Variants in NRAP observed in about 807,000 individuals in gnomAD.
NRAP encodes the protein nebulin related anchoring protein, also known as nebulin-related-anchoring protein.
A neutral mutation model predicts 225.9 loss-of-function variants in NRAP; 189 were observed. That is an observed-to-expected ratio of 0.84 (90% confidence interval 0.74 to 0.94). NRAP has a LOEUF of 0.94. NRAP is among the 40% of genes least tolerant of loss of function. The pLI, the probability that NRAP is intolerant of heterozygous loss-of-function variation, is 0.00. For missense variants in NRAP, 2,176 were observed against 2,168.7 expected, an observed-to-expected ratio of 1.00 and a Z score of -0.07; for synonymous variants, 769 against 790.7, an observed-to-expected ratio of 0.97 and a Z score of 0.46.
At chr10:113,625,013 G>T in intron 21 of NRAP, 83 bp from the exon 22 acceptor site, 1 of 807,250 alleles carries the variant, frequency 1.2e-6, no homozygotes, top group Non-Finnish European at 2.2e-6. Flanking sequence ...TCTCTGTCTG[G>T]TTGGCACTTC....
chr10:113,658,606 C>T (rs989909534), intron 3 of NRAP, among the ~76,000 whole-genome samples: 1 of 152,050 alleles, frequency 6.6e-6, no homozygotes, highest in Non-Finnish European at 1.5e-5. Context: ...TTTGGCCGGG[C>T]GCAGTACCTC....
At chr10:113,644,218 A>C (rs1849373209) in intron 11 of NRAP, among the ~76,000 whole-genome samples, 1 of 149,814 alleles carries the variant, frequency 6.7e-6, no homozygotes, top group Non-Finnish European at 1.5e-5. Context: ...CTGCACTCCC[A>C]GTGGTATGGA....
chr10:113,616,114 A>G (rs1847648706), intron 26 of NRAP, among the ~76,000 whole-genome samples: 1 of 152,224 alleles, frequency 6.6e-6, no homozygotes. Flanking sequence ...CTTAACACCT[A>G]GTAATAATTT....
Position 113,606,278 on chromosome 10 carries a change from A to G in NRAP, c.3707T>C (p.Leu1236Pro), listed in dbSNP as rs751817563. 1.3e-6 allele frequency: 2 copies of G among 1,597,264 alleles called. No homozygotes were observed. Among genetic ancestry groups the G allele is most frequent in the Non-Finnish European group, 1.7e-6 (2 of 1,164,830 alleles). The change falls in exon 33 of 42, where the codon CTC becomes CCC. Residue 1236 changes from leucine to proline, a missense_variant. This residue lies in a region of NRAP where 1,708 missense variants were observed against 1,695.5 expected (regional missense o/e 1.01). Coordinates refer to ENST00000359988, the MANE Select transcript of NRAP (RefSeq NM_198060.4). ...TGCATCCTCTCCAGCTGCTTTATAGAGGCGCTAGGCCAAAAAAATATAATA... is the reference window on the plus strand; with the variant it reads ...TGCATCCTCTCCAGCTGCTTTATAGGGGCGCTAGGCCAAAAAAATATAATA... ...KFSNQITNER[L>P]YKAAGEDARH... is the part of the protein sequence containing the mutation.
At chr10:113,606,365 T>C in intron 32 of NRAP, 83 bp from the exon 33 acceptor site, 1 of 820,596 alleles carries the variant, frequency 1.2e-6, no homozygotes. Flanking sequence ...TCAACGATAG[T>C]TGAGGAAACA....
At position 113,663,876 on chromosome 10, in the gene NRAP, C is replaced by T. The variant is rs745780429; in HGVS notation, c.7G>A (p.Val3Met). 2.5e-6 allele frequency: 4 copies of T among 1,613,306 alleles called. No individual in the cohort carries two copies. Among genetic ancestry groups the T allele is most frequent in the Non-Finnish European group, 3.4e-6 (4 of 1,179,400 alleles). MNVQPCSRCGYGV... is the reference protein window; with the variant it reads MNMQPCSRCGYGV... ...TACCCACACCTAGAACAGGGCTGCACATTCATCTCGAAGCCGGAAGAGAGA... is the reference window on the plus strand; with the variant it reads ...TACCCACACCTAGAACAGGGCTGCATATTCATCTCGAAGCCGGAAGAGAGA... Residue 3 changes from valine to methionine, a missense_variant, in exon 1 of 42, where the codon GTG becomes ATG. Val to Met is a conservative substitution (Grantham distance 21, BLOSUM62 1). This residue lies in a region of NRAP where 1,708 missense variants were observed against 1,695.5 expected (regional missense o/e 1.01). Coordinates refer to ENST00000359988, the MANE Select transcript of NRAP (RefSeq NM_198060.4).
chr10:113,607,772 C>T (rs938700596), intron 32 of NRAP, among the ~76,000 whole-genome samples: 1 of 152,196 alleles, frequency 6.6e-6, no homozygotes, highest in Non-Finnish European at 1.5e-5. Context: ...CTCTGCCAAG[C>T]TCACCTATTT....
At chr10:113,643,099 T>A (rs1849302448) in intron 11 of NRAP, 61 bp from the exon 12 acceptor site, 1 of 822,748 alleles carries the variant, frequency 1.2e-6, no homozygotes, top group South Asian at 1.5e-5. Context: ...CTTGAAAATG[T>A]CCCAGGACTT....
intron 4 of NRAP, among the ~76,000 whole-genome samples, chr10:113,655,452 A>C (rs1592873991): frequency 6.9e-6 from 1 of 145,262 alleles, no homozygotes. Context: ...TTGTACATCC[A>C]TTTTTTTTTT....
intron 25 of NRAP, among the ~76,000 whole-genome samples, chr10:113,619,846 C>G (rs1592780135): frequency 2.0e-5 from 3 of 152,152 alleles, no homozygotes; most frequent in Admixed American, 1.3e-4. Flanking sequence ...GAGCCTTGTC[C>G]TGTGCCTCTC....
chr10:113,614,215 G>T lies in NRAP; in HGVS notation c.3268C>A (p.His1090Asn). Residue 1090 changes from histidine (H) to asparagine (N), a missense_variant, in exon 29 of 42, where the codon CAT becomes AAT. By Grantham distance (68) the His-to-Asn change is moderately conservative. Coordinates refer to ENST00000359988, the MANE Select transcript of NRAP (RefSeq NM_198060.4). ...RSLEDDISLAHSVYATSLQSD... is the reference protein window; with the variant it reads ...RSLEDDISLANSVYATSLQSD... ...TGCAGTGAGGTCGCATACACTGAAT[G>T]TGCAAGGCTGATATCATCTTCCAAG... is the stretch of plus-strand genomic sequence containing the variant. 1.2e-6 allele frequency: 2 copies of T among 1,613,868 alleles called. No homozygotes were observed. The highest frequency in any genetic ancestry group is 1.7e-6 in the Non-Finnish European group (2 of 1,179,728).
intron 35 of NRAP, among the ~76,000 whole-genome samples, chr10:113,599,036 C>T (rs114326474): frequency 0.016 from 2,442 of 152,272 alleles, 85 homozygotes; most frequent in African/African-American, 0.056. Flanking sequence ...GGAAATTAGG[C>T]ATTTTTTAAA....
intron 38 of NRAP, among the ~76,000 whole-genome samples, chr10:113,593,029 T>C (rs1340821526): frequency 2.0e-5 from 3 of 152,158 alleles, no homozygotes; most frequent in Non-Finnish European, 4.4e-5. Context: ...CATCAAAATC[T>C]TCTGTGCCTT....
chr10:113,615,741 C>G lies in NRAP; in HGVS notation c.3049G>C (p.Ala1017Pro), dbSNP rs1847620692. The G allele has an allele frequency of 6.2e-7, 1 of 1,610,048 alleles. No homozygotes were observed. The highest frequency in any genetic ancestry group is 1.7e-5 in the Admixed American group (1 of 59,994). The stretch of plus-strand genomic sequence containing the variant: ...CTGATATTCATGGCATTCAGCTTGG[C>G]CAGCAGGACTTCAGGGAGGTCAGCA... ...PTADLPEVLL[A>P]KLNAMNISET... The change falls in exon 27 of 42, where the codon GCC becomes CCC. Residue 1017 changes from alanine (A) to proline (P), a missense_variant. Around this residue, in one of 3 missense-constraint regions of NRAP, gnomAD observed 1,708 missense variants for 1,695.5 expected, o/e 1.01. Transcript: ENST00000359988.
At chr10:113,635,501 C>T (rs1352595722) in intron 14 of NRAP, among the ~76,000 whole-genome samples, 2 of 152,358 alleles carry the variant, frequency 1.3e-5, no homozygotes, top group African/African-American at 4.8e-5. Flanking sequence ...GATCTCAGCT[C>T]ACTGCAACCT....
intron 4 of NRAP, 151 bp downstream of exon 4, chr10:113,657,319 C>T (rs1358943463): frequency 1.7e-6 from 1 of 599,822 alleles, no homozygotes; most frequent in East Asian, 2.9e-5. Flanking sequence ...TTAGGACACG[C>T]TGATTGAGGT....
chr10:113,655,455 T>TTCCATTC (rs1554870763), intron 4 of NRAP, among the ~76,000 whole-genome samples: 1,887 of 55,816 alleles, frequency 0.034, 50 homozygotes, highest in African/African-American at 0.093. Flanking sequence ...TACATCCATT[T>TTCCATTC]TTTTTTTTTT....
chr10:113,650,899 A>G (rs3127110), intron 7 of NRAP, among the ~76,000 whole-genome samples: 83,526 of 152,094 alleles, frequency 0.55, 24,254 homozygotes, highest in East Asian at 0.7. Context: ...TTAAGGCTAA[A>G]GCAAGAGGAA....
intron 20 of NRAP, among the ~76,000 whole-genome samples, chr10:113,626,864 C>T (rs533637116): frequency 9.9e-5 from 15 of 152,196 alleles, no homozygotes; most frequent in South Asian, 8.3e-4. Flanking sequence ...GGCAAATTTT[C>T]AATGTGCTAA....
Sources: allele counts gnomAD v4.1 joint callset (sites outside exome capture counted in the v4.1 genomes callset), GRCh38; gene constraint gnomAD v4.1.1; regional missense constraint gnomAD v4.1.1; transcripts MANE v1.5; gene names NCBI Gene and HGNC (gene_info 2026-07-23, HGNC 2026-07-21).